MAPK4: variants seen among roughly 807,000 people sequenced by gnomAD.
The protein encoded by MAPK4 is Erk3-related.
MAPK4 carries 22 observed loss-of-function variants against 47.7 expected under a neutral mutation model. The observed-to-expected ratio is 0.46, with a 90% confidence interval of 0.33 to 0.66. MAPK4 has a LOEUF of 0.66. MAPK4 is among the 30% of genes least tolerant of loss of function. The pLI is 0.02. For missense variants in MAPK4, 736 were observed against 831.7 expected (o/e 0.88, Z 1.42); for synonymous variants, 390 against 365.7 (o/e 1.07, Z -0.76).
At chr18:50,712,416 G>A (rs900629139) in intron 2 of MAPK4, among the ~76,000 whole-genome samples, 2 of 152,100 alleles carry the variant, frequency 1.3e-5, no homozygotes, top group East Asian at 1.9e-4. Context: ...GACAGAATGC[G>A]AGAACCTGTC....
At chr18:50,707,925 ATC>A (rs1910146320) in intron 2 of MAPK4, among the ~76,000 whole-genome samples, 5 of 152,190 alleles carry the variant, frequency 3.3e-5, no homozygotes, top group Non-Finnish European at 7.3e-5. Context: ...CTGAAAGGGG[ATC>A]AGCAGATCAG....
intron 3 of MAPK4, among the ~76,000 whole-genome samples, chr18:50,717,243 T>C (rs1292650108): frequency 2.6e-5 from 4 of 152,164 alleles, no homozygotes; most frequent in Non-Finnish European, 5.9e-5. Context: ...AGGAGAGATC[T>C]GAAGCGAGTA....
chr18:50,721,799 G>A, intron 3 of MAPK4, 139 bp from the exon 4 acceptor site: 1 of 735,804 alleles, frequency 1.4e-6, no homozygotes, highest in South Asian at 1.9e-5. Flanking sequence ...AGCAAATGAA[G>A]ACCAGAACCC....
intron 1 of MAPK4, among the ~76,000 whole-genome samples, chr18:50,580,982 T>C (rs2042338671): frequency 1.3e-5 from 2 of 152,186 alleles, no homozygotes; most frequent in Non-Finnish European, 2.9e-5. Context: ...CCTGGGGCCT[T>C]CCACCTTCTG....
chr18:50,663,985 C>T lies in MAPK4; in HGVS notation c.27C>T (p.Ala9=). The T allele has an allele frequency of 6.2e-7, 1 of 1,613,298 alleles. No homozygotes were observed. Among genetic ancestry groups the T allele is most frequent in the Non-Finnish European group, 8.5e-7 (1 of 1,179,594 alleles). ...TGGCTGAGAAGGGTGACTGCATCGC[C>T]AGTGTCTATGGGTATGACCTCGGTG... MAEKGDCI[A]SVYGYDLGGR... The change falls in exon 2 of 6, where the codon GCC becomes GCT. Residue 9 remains alanine, a synonymous_variant. Coordinates refer to ENST00000400384, the MANE Select transcript of MAPK4 (RefSeq NM_002747.4).
chr18:50,729,344 C>G lies in MAPK4; in HGVS notation c.1254C>G (p.Arg418=). Residue 418 remains arginine (R), a synonymous_variant, in exon 6 of 6, where the codon CGC becomes CGG. Transcript: ENST00000400384. The stretch of plus-strand genomic sequence containing the variant: ...AGCAGTCGCACTCGTCCATGGAGCG[C>G]GCCTTCGAGGCCGACTACGGGCGCT... ...FLEQSHSSME[R]AFEADYGRSC... 6.3e-7 allele frequency: 1 copy of G among 1,587,470 alleles called. No individual in the cohort carries two copies. The highest frequency in any genetic ancestry group is 8.6e-7 in the Non-Finnish European group (1 of 1,167,094).
intron 1 of MAPK4, among the ~76,000 whole-genome samples, chr18:50,599,648 GGCTC>G (rs1820514264): frequency 1.3e-5 from 2 of 152,048 alleles, no homozygotes; most frequent in Non-Finnish European, 2.9e-5. Flanking sequence ...TGAACTCCTG[GGCTC>G]AAGCGGTCCA....
At chr18:50,696,499 C>G (rs908619910) in intron 2 of MAPK4, among the ~76,000 whole-genome samples, 5 of 152,156 alleles carry the variant, frequency 3.3e-5, no homozygotes, top group African/African-American at 9.7e-5. Context: ...GGCTGAGTAG[C>G]AAGTAGCGTG....
At position 50,729,194 on chromosome 18, in the gene MAPK4, G is replaced by A; in HGVS notation, c.1104G>A (p.Arg368=). 1 of 1,592,942 alleles carries A rather than the reference G, an allele frequency of 6.3e-7. No individual in the cohort carries two copies. Among genetic ancestry groups the A allele is most frequent in the Non-Finnish European group, 8.6e-7 (1 of 1,163,686 alleles). Residue 368 remains arginine, a synonymous_variant, in exon 6 of 6, where the codon CGG becomes CGA. Transcript: ENST00000400384. The part of the protein sequence containing the change: ...PVSLSSDLEW[R]PDRCQDASEV... ...GCCTGTCGTCGGACCTGGAGTGGCG[G>A]CCTGACCGGTGCCAGGACGCCAGCG... is the stretch of plus-strand genomic sequence containing the variant.
rs1909950227 is a variant in MAPK4 at position 50,704,519 on chromosome 18, A to G, written c.547-10560A>G. ...AGACAATCATGTGTGTCTCTCTCTTATTTCTCCTAGTCTACTGATTGCATC... is the reference window on the plus strand; with the variant it reads ...AGACAATCATGTGTGTCTCTCTCTTGTTTCTCCTAGTCTACTGATTGCATC... On this transcript the variant is annotated intron_variant, in intron 2 of 5. Transcript: ENST00000400384. 3.8e-5 allele frequency: 15 copies of G among 398,566 alleles called. No individual in the cohort carries two copies. In the East Asian group the frequency reaches 5.3e-4, roughly 14 times the overall value. The allele number at this position is 398,566 out of a possible 1,614,324, so 24.7% of individuals were successfully genotyped here. A position where few individuals can be genotyped will look rare whatever the true frequency, so the allele number is the denominator to read the frequency against.
At position 50,729,353 on chromosome 18, in the gene MAPK4, G is replaced by A; in HGVS notation, c.1263G>A (p.Glu421=). The part of the protein sequence containing the change: ...QSHSSMERAF[E]ADYGRSCDYK... The stretch of plus-strand genomic sequence containing the variant: ...ACTCGTCCATGGAGCGCGCCTTCGA[G>A]GCCGACTACGGGCGCTCCTGCGACT... Residue 421 remains glutamate, a synonymous_variant, in exon 6 of 6, where the codon GAG becomes GAA. Coordinates refer to ENST00000400384, the MANE Select transcript of MAPK4 (RefSeq NM_002747.4). The A allele has an allele frequency of 1.3e-6, 2 of 1,581,312 alleles. No individual in the cohort carries two copies. The highest frequency in any genetic ancestry group is 2.7e-5 in the African/African-American group (2 of 74,538).
At chr18:50,575,868 A>G (rs1598788234) in intron 1 of MAPK4, among the ~76,000 whole-genome samples, 1 of 152,070 alleles carries the variant, frequency 6.6e-6, no homozygotes, top group East Asian at 1.9e-4. Flanking sequence ...GAAGACATAC[A>G]TGTGGCAAAC....
At chr18:50,692,161 G>A (rs1366805280) in intron 2 of MAPK4, among the ~76,000 whole-genome samples, 3 of 152,226 alleles carry the variant, frequency 2.0e-5, no homozygotes, top group Admixed American at 2.0e-4. Flanking sequence ...AGCAGGTAGA[G>A]GCAGTGGTTT....
chr18:50,697,150 T>A (rs1568085632), intron 2 of MAPK4, among the ~76,000 whole-genome samples: 1 of 152,240 alleles, frequency 6.6e-6, no homozygotes, highest in Non-Finnish European at 1.5e-5. Flanking sequence ...TGATGCATGC[T>A]TAAGGTTGAG....
intron 2 of MAPK4, among the ~76,000 whole-genome samples, chr18:50,707,806 G>A (rs548620199): frequency 6.6e-6 from 1 of 152,148 alleles, no homozygotes; most frequent in African/African-American, 2.4e-5. Context: ...GCAGGCCTAT[G>A]GGAATTTATA....
chr18:50,611,866 T>A (rs1270299133), intron 1 of MAPK4, among the ~76,000 whole-genome samples: 4 of 152,176 alleles, frequency 2.6e-5, no homozygotes, highest in Non-Finnish European at 5.9e-5. Context: ...CTGATCAGAA[T>A]ACTGACTCTT....
intron 1 of MAPK4, among the ~76,000 whole-genome samples, chr18:50,637,883 C>A (rs2042901555): frequency 6.6e-6 from 1 of 152,190 alleles, no homozygotes; most frequent in Non-Finnish European, 1.5e-5. Flanking sequence ...TAGATTGGGG[C>A]CTACCCCGAT....
chr18:50,603,295 G>T lies in MAPK4; in HGVS notation c.-871+43052G>T, dbSNP rs575626651. On this transcript the variant is annotated intron_variant, in intron 1 of 5. Coordinates refer to ENST00000400384, the MANE Select transcript of MAPK4 (RefSeq NM_002747.4). ...CTACCAGCTTCCATCTCCCTGGTGTGTCTTCTGTCCCAGAGTCAAAGTGGC... is the reference window on the plus strand; with the variant it reads ...CTACCAGCTTCCATCTCCCTGGTGTTTCTTCTGTCCCAGAGTCAAAGTGGC... Among the ~76,000 whole-genome samples, 7 of 152,276 alleles carry T rather than the reference G, an allele frequency of 4.6e-5. No individual in the cohort carries two copies. In the South Asian group the frequency reaches 1.5e-3, roughly 32 times the overall value.
At position 50,679,062 on chromosome 18, in the gene MAPK4, A is replaced by G. The variant is rs578011886; in HGVS notation, c.546+14558A>G. Among the ~76,000 whole-genome samples the G allele has an allele frequency of 3.3e-5, 5 of 152,262 alleles. No homozygotes were observed. In the East Asian group the frequency reaches 9.7e-4, roughly 29 times the overall value. On this transcript the variant is annotated intron_variant, in intron 2 of 5. Coordinates refer to ENST00000400384, the MANE Select transcript of MAPK4 (RefSeq NM_002747.4). ...GTCTTCTTGGGGTCAAATTTTCCCCATTGTCAATCCCTATGCCTTTTATTA... is the reference window on the plus strand; with the variant it reads ...GTCTTCTTGGGGTCAAATTTTCCCCGTTGTCAATCCCTATGCCTTTTATTA...
Sources: gnomAD v4.1 joint callset for allele counts (sites outside exome capture counted in the v4.1 genomes callset) on GRCh38, gnomAD v4.1.1 for gene constraint, MANE v1.5 for transcripts, NCBI Gene and HGNC (gene_info 2026-07-23, HGNC 2026-07-21) for gene names.